GPD1L: variants seen among roughly 807,000 people sequenced by gnomAD.
GPD1L encodes the protein glycerol-3-phosphate dehydrogenase 1 like.
Under a neutral mutation model 32.9 loss-of-function variants are expected in GPD1L, and 17 were observed. The observed-to-expected ratio is 0.52, with a 90% CI of 0.35 to 0.78. The LOEUF is 0.78. GPD1L is among the 30% of genes least tolerant of loss of function. GPD1L has a pLI of 0.01. For missense variants in GPD1L, 361 were observed against 447.8 expected (o/e 0.81, Z 1.75); for synonymous variants, 187 against 165.9 (o/e 1.13, Z -0.98).
chr3:32,165,952 A>G lies in GPD1L; in HGVS notation c.*42A>G. 8.8e-7 allele frequency: 1 copy of G among 1,131,110 alleles called. No individual in the cohort carries two copies. Among genetic ancestry groups the G allele is most frequent in the Admixed American group, 1.7e-5 (1 of 59,388 alleles). The allele number at this position is 1,131,110 out of a possible 1,614,324, so 70.1% of individuals were successfully genotyped here. ...TGTTGGGGGAAGTTCTGCCTTTCTG[A>G]TCAATCTTTTGGGTTCACGTGGAAA... On this transcript the variant is annotated 3_prime_UTR_variant, in exon 8 of 8. Coordinates refer to ENST00000282541, the MANE Select transcript of GPD1L (RefSeq NM_015141.4).
At chr3:32,129,382 T>G (rs1700556047) in intron 2 of GPD1L, among the ~76,000 whole-genome samples, 2 of 152,168 alleles carry the variant, frequency 1.3e-5, no homozygotes, top group South Asian at 4.1e-4. Context: ...TCAATAAATG[T>G]GGGGAAGTTT....
At chr3:32,136,973 G>T (rs574086105) in intron 2 of GPD1L, among the ~76,000 whole-genome samples, 167 of 152,322 alleles carry the variant, frequency 1.1e-3, no homozygotes, top group Non-Finnish European at 1.7e-3. Context: ...ATGTGTAGCT[G>T]CAAGGACTGC....
At chr3:32,133,019 G>C (rs1173432406) in intron 2 of GPD1L, among the ~76,000 whole-genome samples, 5 of 152,174 alleles carry the variant, frequency 3.3e-5, no homozygotes. Flanking sequence ...CTATTTTTGA[G>C]CCTCTACTAT....
intron 2 of GPD1L, among the ~76,000 whole-genome samples, chr3:32,136,180 T>C (rs1300594187): frequency 6.6e-6 from 1 of 152,218 alleles, no homozygotes; most frequent in African/African-American, 2.4e-5. Flanking sequence ...CAAAGTTGGC[T>C]TCATCCACAT....
intron 4 of GPD1L, among the ~76,000 whole-genome samples, chr3:32,144,985 T>C (rs1367816096): frequency 1.3e-5 from 2 of 150,708 alleles, no homozygotes; most frequent in African/African-American, 4.9e-5. Flanking sequence ...ATTACAGGCA[T>C]GAGCCACCGC....
At position 32,109,473 on chromosome 3, in the gene GPD1L, A is replaced by C. The variant is rs531527776; in HGVS notation, c.47+2715A>C. Among the ~76,000 whole-genome samples, 232 of 152,258 alleles carry C rather than the reference A, an allele frequency of 1.5e-3. 2 individuals carry two copies. In the Middle Eastern group the frequency reaches 0.017, roughly 11 times the overall value. On this transcript the variant is annotated intron_variant, in intron 1 of 7. Transcript: ENST00000282541. Reference sequence around the variant, plus strand: ...GGCCCACTCCAGCCCAGGGAAATGGAGTAGAACTTGGCCAGTGATACTGAA... The same window carrying C: ...GGCCCACTCCAGCCCAGGGAAATGGCGTAGAACTTGGCCAGTGATACTGAA...
intron 7 of GPD1L, among the ~76,000 whole-genome samples, chr3:32,160,687 C>T (rs1701063334): frequency 1.3e-5 from 2 of 152,046 alleles, no homozygotes; most frequent in African/African-American, 4.8e-5. Context: ...CCTCCATTGC[C>T]CTTCCAGGCC....
chr3:32,146,671 T>TC lies in GPD1L; in HGVS notation c.557dup (p.Asn187LysfsTer8). The TC allele has an allele frequency of 1.2e-6, 2 of 1,613,862 alleles. No homozygotes were observed. Among genetic ancestry groups the TC allele is most frequent in the Non-Finnish European group, 1.7e-6 (2 of 1,179,766 alleles). On this transcript the variant is annotated frameshift_variant, in exon 5 of 8. Transcript: ENST00000282541. LOFTEE classifies it high-confidence loss of function. Reference sequence around the variant, plus strand: ...TTCTCTTCAAAGAACTTCTGCAGACTCCAAATTTTCGAATTACCGTGGTTG... The same window carrying TC: ...TTCTCTTCAAAGAACTTCTGCAGACTCCCAAATTTTCGAATTACCGTGGTTG...
chr3:32,156,722 A>G (rs1432234696), intron 5 of GPD1L, among the ~76,000 whole-genome samples: 1 of 152,152 alleles, frequency 6.6e-6, no homozygotes, highest in Non-Finnish European at 1.5e-5. Context: ...CACATCAATG[A>G]TATGTTTGAT....
intron 5 of GPD1L, among the ~76,000 whole-genome samples, chr3:32,150,645 C>T (rs944679079): frequency 6.6e-6 from 1 of 152,106 alleles, no homozygotes; most frequent in African/African-American, 2.4e-5. Context: ...TTCCACCACA[C>T]CCAGTTAATT....
At chr3:32,152,862 AGAC>A (rs201147618) in intron 5 of GPD1L, among the ~76,000 whole-genome samples, 1 of 58,408 alleles carries the variant, frequency 1.7e-5, no homozygotes, top group Non-Finnish European at 3.0e-5. Context: ...AAAAAAAGAC[AGAC>A]AAAGAGCACG....
chr3:32,117,546 G>A (rs1166618581), intron 1 of GPD1L, among the ~76,000 whole-genome samples: 1 of 152,186 alleles, frequency 6.6e-6, no homozygotes, highest in African/African-American at 2.4e-5. Context: ...TCATTATCCA[G>A]GAATGCGGGC....
intron 2 of GPD1L, among the ~76,000 whole-genome samples, chr3:32,128,897 C>T (rs1700550470): frequency 6.6e-6 from 1 of 152,170 alleles, no homozygotes; most frequent in Non-Finnish European, 1.5e-5. Context: ...TAATTAAAGT[C>T]AGGGTCAAGG....
At chr3:32,112,002 C>T (rs1022509386) in intron 1 of GPD1L, among the ~76,000 whole-genome samples, 1 of 152,178 alleles carries the variant, frequency 6.6e-6, no homozygotes, top group East Asian at 1.9e-4. Context: ...TCCCTGAGGA[C>T]AGGCGCACGG....
At chr3:32,116,683 TTAC>T (rs980193965) in intron 1 of GPD1L, among the ~76,000 whole-genome samples, 15 of 152,272 alleles carry the variant, frequency 9.9e-5, no homozygotes, top group African/African-American at 3.1e-4. Context: ...ATATTTAAAT[TTAC>T]TACTACTTGG....
intron 1 of GPD1L, among the ~76,000 whole-genome samples, chr3:32,124,796 G>A (rs1396341880): frequency 6.6e-6 from 1 of 152,002 alleles, no homozygotes; most frequent in African/African-American, 2.4e-5. Flanking sequence ...GGGCGTGGTG[G>A]CACACATGTA....
intron 7 of GPD1L, 27 bp downstream of exon 7, chr3:32,159,701 C>T: frequency 1.6e-6 from 2 of 1,276,544 alleles, no homozygotes; most frequent in Non-Finnish European, 2.3e-6. Flanking sequence ...CCCATGAGAC[C>T]AGATAAATGT....
At chr3:32,149,435 A>T (rs1201059672) in intron 5 of GPD1L, among the ~76,000 whole-genome samples, 2 of 152,198 alleles carry the variant, frequency 1.3e-5, no homozygotes, top group Non-Finnish European at 2.9e-5. Flanking sequence ...CAAAATGTAC[A>T]TTATCTTTTT....
intron 4 of GPD1L, 127 bp downstream of exon 4, chr3:32,140,493 T>C: frequency 2.7e-6 from 3 of 1,097,428 alleles, no homozygotes; most frequent in South Asian, 1.3e-5. Context: ...TAGTTGGGCA[T>C]TCAGTGGGGC....
Sources: allele counts gnomAD v4.1 joint callset (sites outside exome capture counted in the v4.1 genomes callset), GRCh38; gene constraint gnomAD v4.1.1; transcripts MANE v1.5; gene names NCBI Gene and HGNC (gene_info 2026-07-23, HGNC 2026-07-21).